Variants in TUG1 observed in about 807,000 individuals in gnomAD.
TUG1 encodes taurine up-regulated 1, also known as taurine upregulated gene 1.
intron 2 of TUG1, chr22:30,974,535 T>C (rs1484829212): frequency 6.6e-6 from 1 of 152,152 alleles, no homozygotes; most frequent in East Asian, 1.9e-4. Flanking sequence ...CACCCCAGAA[T>C]AAACAGCATC....
At chr22:30,969,867 C>T (rs1229262331) in exon 1 of TUG1, 3 of 152,242 alleles carry the variant, frequency 2.0e-5, no homozygotes, top group Admixed American at 2.0e-4. Context: ...AGACGAGCTC[C>T]GGAGTCGGAA....
chr22:30,977,426 A>G (rs544141151), exon 3 of TUG1: 4 of 152,344 alleles, frequency 2.6e-5, no homozygotes, highest in Non-Finnish European at 5.9e-5. Context: ...ACTCCTAAAC[A>G]GAACCTCAAG....
chr22:30,972,657 G>A (rs1452742777), intron 1 of TUG1, 198 bp from the exon 2 acceptor site: 2 of 152,642 alleles, frequency 1.3e-5, no homozygotes, highest in Non-Finnish European at 2.9e-5. Context: ...AATCGAGAGT[G>A]TTAATCAGAC....
At chr22:30,972,748 T>G (rs2041245297) in intron 1 of TUG1, 107 bp from the exon 2 acceptor site, 1 of 153,022 alleles carries the variant, frequency 6.5e-6, no homozygotes, top group African/African-American at 2.4e-5. Flanking sequence ...CATCAAGAAT[T>G]AACAGCCATC....
At chr22:30,977,303 A>T (rs900042766) in exon 3 of TUG1, 9 of 152,196 alleles carry the variant, frequency 5.9e-5, no homozygotes, top group African/African-American at 2.2e-4. Flanking sequence ...TTGTAAGATG[A>T]TTCTCAGAGA....
exon 1 of TUG1, chr22:30,971,353 T>G (rs925754918): frequency 4.6e-5 from 7 of 152,424 alleles, no homozygotes; most frequent in Non-Finnish European, 1.0e-4. Flanking sequence ...CTCAAAAGAC[T>G]TAAGACTGTG....
chr22:30,975,908 TACTG>T (rs1396442240), exon 3 of TUG1: 1 of 151,336 alleles, frequency 6.6e-6, no homozygotes, highest in African/African-American at 2.4e-5. Flanking sequence ...CAAATTCAAA[TACTG>T]GCAACATTTC....
chr22:30,973,311 T>C (rs548070156), exon 2 of TUG1: 2 of 152,366 alleles, frequency 1.3e-5, no homozygotes, highest in African/African-American at 4.8e-5. Context: ...TCTCAAATGA[T>C]TGAAATTCAT....
chr22:30,971,120 C>G (rs1218924992), exon 1 of TUG1: 1 of 152,176 alleles, frequency 6.6e-6, no homozygotes, highest in East Asian at 1.9e-4. Context: ...GTGGTGCTCA[C>G]CAAGTGGTAC....
At chr22:30,978,879 T>A (rs960081131) in exon 3 of TUG1, 17 of 152,312 alleles carry the variant, frequency 1.1e-4, no homozygotes, top group African/African-American at 3.6e-4. Context: ...TACTTGAAAT[T>A]GAATCCACAC....
At chr22:30,970,373 C>G (rs2041214983) in exon 1 of TUG1, 1 of 152,180 alleles carries the variant, frequency 6.6e-6, no homozygotes, top group South Asian at 2.1e-4. Context: ...GATATGTGAG[C>G]TGTTTCTATG....
In TUG1 at chr22:30,975,989, A is replaced by C. The variant is rs140916304; in HGVS notation, c.*3514A>C. The C allele has an allele frequency of 5.3e-3, 802 of 151,966 alleles. 4 individuals are homozygous for C. The highest frequency in any genetic ancestry group is 0.018 in the African/African-American group (755 of 41,422). The allele number at this position is 151,966 out of a possible 1,614,324, so 9.4% of individuals were successfully genotyped here. A position where few individuals can be genotyped will look rare whatever the true frequency, so the allele number is the denominator to read the frequency against. On this transcript the variant is annotated 3_prime_UTR_variant, in exon 3 of 3. Coordinates refer to ENST00000644773, the Ensembl canonical transcript of TUG1. ...CTACACATCACTGTATGACTCAACC[A>C]GTAGCAGTTATATTGCCCCTTGGTT...
At chr22:30,970,262 G>GT (rs1238929752) in exon 1 of TUG1, 5 of 152,192 alleles carry the variant, frequency 3.3e-5, no homozygotes, top group Non-Finnish European at 7.3e-5. Context: ...ACCCAGAAGA[G>GT]TTAAGAATCA....
exon 2 of TUG1, chr22:30,973,280 G>C (rs528246942): frequency 6.6e-6 from 1 of 152,284 alleles, no homozygotes; most frequent in South Asian, 2.1e-4. Context: ...TTTGAGAGCA[G>C]CATTGGACCA....
exon 3 of TUG1, chr22:30,977,292 C>G (rs936087804): frequency 6.6e-6 from 1 of 152,142 alleles, no homozygotes; most frequent in Non-Finnish European, 1.5e-5. Flanking sequence ...CCTTGACTTG[C>G]TTGTAAGATG....
exon 1 of TUG1, chr22:30,971,719 C>CCT (rs2041232658): frequency 6.5e-6 from 1 of 152,990 alleles, no homozygotes; most frequent in Admixed American, 6.5e-5. Flanking sequence ...AATTAGAAGA[C>CCT]CTGAGTTTCT....
chr22:30,969,831 G>C (rs2041204545), exon 1 of TUG1: 2 of 152,254 alleles, frequency 1.3e-5, no homozygotes, highest in Non-Finnish European at 2.9e-5. Flanking sequence ...AGGGGCGGGA[G>C]CTCTGGCGGC....
At chr22:30,971,291 A>AG (rs1224640245) in exon 1 of TUG1, 1 of 152,230 alleles carries the variant, frequency 6.6e-6, no homozygotes. Flanking sequence ...AATGACTTGG[A>AG]GAAAAAAAAG....
At chr22:30,972,989 A>G in exon 2 of TUG1, 1 of 153,388 alleles carries the variant, frequency 6.5e-6, no homozygotes. Context: ...TGACGAAGAC[A>G]CCCATTCCAG....
Sources: allele counts gnomAD v4.1 joint callset, GRCh38; gene constraint gnomAD v4.1.1; transcripts MANE v1.5; gene names NCBI Gene and HGNC (gene_info 2026-07-23, HGNC 2026-07-21).